Variants in KIAA1217 observed in about 807,000 individuals in gnomAD.
KIAA1217 encodes the protein sickle tail protein homolog.
KIAA1217 carries 88 observed loss-of-function variants against 163.9 expected under a neutral mutation model. The observed-to-expected ratio is 0.54, with a 90% CI of 0.45 to 0.64. The LOEUF (loss-of-function observed/expected upper bound fraction) is 0.64, where lower values mean the gene tolerates loss of function less well. Ranked by LOEUF, KIAA1217 falls within the 30% of genes least tolerant of loss-of-function variation. KIAA1217 has a pLI of 0.00. For missense variants in KIAA1217, 2,372 were observed against 2,475.0 expected, an observed-to-expected ratio of 0.96 and a Z score of 0.88; for synonymous variants, 903 against 923.1, an observed-to-expected ratio of 0.98 and a Z score of 0.39.
At chr10:24,405,070 A>G (rs996459854) in intron 3 of KIAA1217, among the ~76,000 whole-genome samples, 1 of 152,214 alleles carries the variant, frequency 6.6e-6, no homozygotes, top group South Asian at 2.1e-4. Flanking sequence ...GTAGTTACAC[A>G]CAGCTATACA....
At chr10:23,946,582 C>G (rs1408677778) in intron 1 of KIAA1217, among the ~76,000 whole-genome samples, 1 of 152,078 alleles carries the variant, frequency 6.6e-6, no homozygotes, top group Non-Finnish European at 1.5e-5. Context: ...CAGTATGGCA[C>G]TGTGTCGAAG....
At chr10:24,099,224 G>T (rs2062294385) in intron 2 of KIAA1217, among the ~76,000 whole-genome samples, 1 of 149,124 alleles carries the variant, frequency 6.7e-6, no homozygotes, top group African/African-American at 2.5e-5. Flanking sequence ...TAGGGTACAT[G>T]TGCACAACGT....
intron 2 of KIAA1217, among the ~76,000 whole-genome samples, chr10:24,043,170 T>C (rs1455528801): frequency 6.6e-6 from 1 of 152,196 alleles, no homozygotes; most frequent in East Asian, 1.9e-4. Context: ...GCTAAAAATA[T>C]AATAGTAATT....
intron 2 of KIAA1217, among the ~76,000 whole-genome samples, chr10:24,159,337 C>T (rs1405845068): frequency 6.6e-6 from 1 of 151,934 alleles, no homozygotes. Flanking sequence ...TAAACATTGT[C>T]AATGATTTTA....
At chr10:24,441,346 G>C (rs905899737) in intron 5 of KIAA1217, among the ~76,000 whole-genome samples, 18 of 151,998 alleles carry the variant, frequency 1.2e-4, no homozygotes, top group Non-Finnish European at 5.9e-5. Flanking sequence ...TAAGCAGAGG[G>C]GCAACAAAAG....
chr10:23,864,007 G>A (rs977296167), intron 1 of KIAA1217, among the ~76,000 whole-genome samples: 2 of 152,016 alleles, frequency 1.3e-5, no homozygotes, highest in Non-Finnish European at 2.9e-5. Context: ...CCTTGTGCCT[G>A]CATACAGTAT....
intron 1 of KIAA1217, among the ~76,000 whole-genome samples, chr10:23,870,652 A>T (rs1482522092): frequency 2.6e-5 from 4 of 152,126 alleles, no homozygotes; most frequent in Non-Finnish European, 1.5e-5. Context: ...ATAACAACGC[A>T]GTGAAGTAGG....
At chr10:23,906,976 A>G (rs759735875) in intron 1 of KIAA1217, among the ~76,000 whole-genome samples, 1 of 152,118 alleles carries the variant, frequency 6.6e-6, no homozygotes, top group Non-Finnish European at 1.5e-5. Context: ...TACCTTTCTC[A>G]GTGACTGAAA....
At chr10:24,081,658 A>G (rs1444789662) in intron 2 of KIAA1217, among the ~76,000 whole-genome samples, 2 of 152,096 alleles carry the variant, frequency 1.3e-5, no homozygotes, top group Non-Finnish European at 2.9e-5. Context: ...CATTGGAAAA[A>G]GAAGAATTGT....
intron 1 of KIAA1217, among the ~76,000 whole-genome samples, chr10:23,713,893 C>T (rs1335818): frequency 0.28 from 43,090 of 152,022 alleles, 7,672 homozygotes; most frequent in African/African-American, 0.5. Context: ...TTCACATCTG[C>T]TTAGCTCAGA....
chr10:23,827,354 G>T (rs372906200), intron 1 of KIAA1217, among the ~76,000 whole-genome samples: 1 of 152,112 alleles, frequency 6.6e-6, no homozygotes, highest in Non-Finnish European at 1.5e-5. Flanking sequence ...AAAATCTTAG[G>T]TACCTTTGTT....
intron 9 of KIAA1217, 113 bp downstream of exon 9, chr10:24,501,658 G>A (rs978726006): frequency 2.3e-6 from 2 of 851,998 alleles, no homozygotes; most frequent in African/African-American, 1.7e-5. Context: ...AAACAGCATG[G>A]CTTCCTCTCT....
intron 2 of KIAA1217, among the ~76,000 whole-genome samples, chr10:24,338,569 CT>C (rs1393341883): frequency 6.6e-6 from 1 of 152,236 alleles, no homozygotes; most frequent in Non-Finnish European, 1.5e-5. Context: ...CAGCTGTCAA[CT>C]TCTTAAGAAG....
intron 5 of KIAA1217, among the ~76,000 whole-genome samples, chr10:24,441,277 C>A (rs1002811977): frequency 1.3e-5 from 2 of 152,146 alleles, no homozygotes; most frequent in Admixed American, 1.3e-4. Context: ...TGGCACAGAC[C>A]TCCCAGCTGC....
chr10:23,910,128 A>T (rs1471030791), intron 1 of KIAA1217, among the ~76,000 whole-genome samples: 1 of 151,986 alleles, frequency 6.6e-6, no homozygotes, highest in East Asian at 1.9e-4. Flanking sequence ...GGAGGGGAAC[A>T]TCACACACGG....
Position 24,218,771 on chromosome 10 carries a change from G to A in KIAA1217, c.71-855G>A, listed in dbSNP as rs920782020. On this transcript the variant is annotated intron_variant, in intron 1 of 20. Transcript: ENST00000376454. ...CCCAAAGTGCTGGGATTACAGGCAT[G>A]AGCCACGGCGCCTGGCCCTCGATTG... Among the ~76,000 whole-genome samples the A allele has an allele frequency of 9.9e-5, 15 of 152,198 alleles. No homozygotes were observed. In the South Asian group the frequency reaches 1.9e-3, roughly 19 times the overall value.
intron 2 of KIAA1217, among the ~76,000 whole-genome samples, chr10:24,075,758 C>A (rs1377753368): frequency 7.0e-6 from 1 of 142,530 alleles, no homozygotes; most frequent in Non-Finnish European, 1.5e-5. Flanking sequence ...CGCCTGCCAC[C>A]ATGCCTGGCT....
At chr10:24,264,675 A>C (rs1590348799) in intron 2 of KIAA1217, among the ~76,000 whole-genome samples, 1 of 152,234 alleles carries the variant, frequency 6.6e-6, no homozygotes, top group Non-Finnish European at 1.5e-5. Flanking sequence ...AGAAACAGGG[A>C]AATGAATGAT....
At chr10:23,814,286 G>A (rs1020472020) in intron 1 of KIAA1217, among the ~76,000 whole-genome samples, 2 of 152,106 alleles carry the variant, frequency 1.3e-5, no homozygotes, top group African/African-American at 4.8e-5. Context: ...TAATCTCCTC[G>A]AGGGCAGGGA....
Sources: gnomAD v4.1 joint callset for allele counts (sites outside exome capture counted in the v4.1 genomes callset) on GRCh38, gnomAD v4.1.1 for gene constraint, MANE v1.5 for transcripts, NCBI Gene and HGNC (gene_info 2026-07-23, HGNC 2026-07-21) for gene names.